SH2D4B: variants seen among roughly 807,000 people sequenced by gnomAD.
The protein encoded by SH2D4B is SH2 domain-containing protein 4B.
Under a neutral mutation model 61.5 loss-of-function variants are expected in SH2D4B, and 45 were observed. The observed-to-expected ratio is 0.73, with a 90% CI of 0.58 to 0.94. The LOEUF (loss-of-function observed/expected upper bound fraction) is 0.94, where lower values mean the gene tolerates loss of function less well. Among genes scored for constraint, SH2D4B ranks in the 40% least tolerant of loss-of-function variants. The pLI is 0.00. For synonymous variants in SH2D4B, 224 were observed against 220.4 expected (o/e 1.02, Z -0.14); for missense variants, 572 against 574.2 (o/e 1.00, Z 0.04).
At chr10:80,632,750 G>T (rs1221025660) in intron 6 of SH2D4B, among the ~76,000 whole-genome samples, 1 of 152,086 alleles carries the variant, frequency 6.6e-6, no homozygotes, top group East Asian at 1.9e-4. Flanking sequence ...TCTTTTGTCT[G>T]TCCCTACTTT....
chr10:80,594,939 T>A (rs79034437), intron 4 of SH2D4B, among the ~76,000 whole-genome samples: 18,188 of 152,152 alleles, frequency 0.12, 1,236 homozygotes, highest in East Asian at 0.25. Flanking sequence ...GGGTGGAAAG[T>A]ATTTAATTTT....
chr10:80,599,628 C>T lies in SH2D4B; in HGVS notation c.644-3951C>T, dbSNP rs147590235. On this transcript the variant is annotated intron_variant, in intron 4 of 7. Coordinates refer to ENST00000646907, the MANE Select transcript of SH2D4B (RefSeq NM_001388272.1). ...CTGTTGGCAGCCATCAGGCGTTGCC[C>T]GCAGGCTTCAGGACCACAAGGGTGG... Among the ~76,000 whole-genome samples, 115 of 152,256 alleles carry T rather than the reference C, an allele frequency of 7.6e-4. 1 individual carries two copies. Among genetic ancestry groups the T allele is most frequent in the African/African-American group, 2.7e-3 (112 of 41,540 alleles).
At chr10:80,563,846 A>C (rs996318767) in intron 1 of SH2D4B, among the ~76,000 whole-genome samples, 2 of 152,220 alleles carry the variant, frequency 1.3e-5, no homozygotes, top group South Asian at 2.1e-4. Context: ...GGTACTATCT[A>C]TATATCATCC....
At chr10:80,641,034 CT>C (rs1840292247) in intron 7 of SH2D4B, among the ~76,000 whole-genome samples, 1 of 152,208 alleles carries the variant, frequency 6.6e-6, no homozygotes, top group African/African-American at 2.4e-5. Context: ...AGTTTTCCTT[CT>C]AACAGTCAGG....
At position 80,556,515 on chromosome 10, in the gene SH2D4B, T is replaced by C. The variant is rs372186474; in HGVS notation, c.185-13639T>C. On this transcript the variant is annotated intron_variant, in intron 1 of 7. Coordinates refer to ENST00000646907, the MANE Select transcript of SH2D4B (RefSeq NM_001388272.1). ...AATCTGTAGATCAACCTGGGATGAA[T>C]TGGCACATTAACACTATTGAGTTTT... Among the ~76,000 whole-genome samples the C allele has an allele frequency of 1.3e-4, 20 of 152,204 alleles. No individual in the cohort carries two copies. In the East Asian group the frequency reaches 2.9e-3, roughly 22 times the overall value.
At chr10:80,570,926 G>A (rs756914874) in intron 2 of SH2D4B, among the ~76,000 whole-genome samples, 1 of 152,060 alleles carries the variant, frequency 6.6e-6, no homozygotes, top group Non-Finnish European at 1.5e-5. Context: ...CCAGGCTGGA[G>A]TGCAGTGTCA....
chr10:80,584,560 A>G (rs894400204), intron 3 of SH2D4B, among the ~76,000 whole-genome samples: 1 of 152,262 alleles, frequency 6.6e-6, no homozygotes, highest in Non-Finnish European at 1.5e-5. Flanking sequence ...AAAACATATC[A>G]TTATTTAAGA....
At chr10:80,632,135 G>A (rs774681596) in intron 6 of SH2D4B, among the ~76,000 whole-genome samples, 9 of 151,034 alleles carry the variant, frequency 6.0e-5, no homozygotes, top group Non-Finnish European at 8.8e-5. Context: ...CACAAAAAGT[G>A]TGGAGACAAC....
In SH2D4B at chr10:80,538,293, G is replaced by A; in HGVS notation, c.-39G>A. 1.6e-6 allele frequency: 2 copies of A among 1,286,842 alleles called. No individual in the cohort carries two copies. The highest frequency in any genetic ancestry group is 9.9e-7 in the Non-Finnish European group (1 of 1,008,290). 79.7% of individuals were successfully genotyped at this position (1,286,842 alleles called of 1,614,324 possible). Reference sequence around the variant, plus strand: ...CGTTCTGCCTGGCCCTGCTTCCCCTGCTGGCTGCCCTTCTGGTGCGTGCAT... The same window carrying A: ...CGTTCTGCCTGGCCCTGCTTCCCCTACTGGCTGCCCTTCTGGTGCGTGCAT... On this transcript the variant is annotated 5_prime_UTR_variant, in exon 1 of 8. Transcript: ENST00000646907. The surrounding 1 kb of genome is among the most constrained non-coding windows in gnomAD (Gnocchi z 4.8).
At chr10:80,554,731 T>C (rs1486654852) in intron 1 of SH2D4B, among the ~76,000 whole-genome samples, 2 of 152,068 alleles carry the variant, frequency 1.3e-5, no homozygotes, top group Non-Finnish European at 2.9e-5. Flanking sequence ...ATAAAATGGC[T>C]GGGCGCGGTG....
At chr10:80,627,294 T>C (rs1199224978) in intron 6 of SH2D4B, among the ~76,000 whole-genome samples, 3 of 152,220 alleles carry the variant, frequency 2.0e-5, no homozygotes, top group Non-Finnish European at 4.4e-5. Flanking sequence ...ATCTTTCTTC[T>C]GTATAGGAAA....
intron 6 of SH2D4B, among the ~76,000 whole-genome samples, chr10:80,623,797 T>C (rs74924000): frequency 0.1 from 15,727 of 152,204 alleles, 1,100 homozygotes; most frequent in African/African-American, 0.19. Flanking sequence ...ATGCTGTGTG[T>C]GGCTCTGTTG....
intron 6 of SH2D4B, among the ~76,000 whole-genome samples, chr10:80,620,229 C>T (rs1430003448): frequency 6.6e-6 from 1 of 151,726 alleles, no homozygotes; most frequent in Non-Finnish European, 1.5e-5. Context: ...GGGGGCGGTT[C>T]CCCCCCTTGC....
At chr10:80,540,301 A>C in intron 1 of SH2D4B, among the ~76,000 whole-genome samples, 1 of 152,110 alleles carries the variant, frequency 6.6e-6, no homozygotes, top group Admixed American at 6.5e-5. Flanking sequence ...TGGGCATGCC[A>C]CTGGGGAGCC....
intron 1 of SH2D4B, among the ~76,000 whole-genome samples, chr10:80,556,045 G>A (rs1279497045): frequency 6.6e-6 from 1 of 152,048 alleles, no homozygotes; most frequent in Non-Finnish European, 1.5e-5. Context: ...TTATTTGCAG[G>A]GAAATCTGAG....
intron 3 of SH2D4B, among the ~76,000 whole-genome samples, chr10:80,586,721 G>T (rs1448684884): frequency 6.6e-6 from 1 of 152,180 alleles, no homozygotes; most frequent in East Asian, 1.9e-4. Context: ...CAGTGGCAAC[G>T]GGCTGGGATC....
Position 80,538,501 on chromosome 10 carries a change from C to T in SH2D4B, c.170C>T (p.Pro57Leu). The part of the protein sequence containing the change: ...ALAQDEGLRP[P>L]KTKRAASDKH... ...GCCCAGGACGAGGGTCTCAGGCCTC[C>T]AAAGACCAAGCGAGGTACGTGGCTG... is the stretch of plus-strand genomic sequence containing the variant. Residue 57 changes from proline to leucine, a missense_variant, in exon 1 of 8, where the codon CCA becomes CTA. Coordinates refer to ENST00000646907, the MANE Select transcript of SH2D4B (RefSeq NM_001388272.1). The surrounding 1 kb of genome is among the most constrained non-coding windows in gnomAD (Gnocchi z 4.8). The T allele has an allele frequency of 7.1e-7, 1 of 1,409,220 alleles. No individual in the cohort carries two copies. 87.3% of individuals were successfully genotyped at this position (1,409,220 alleles called of 1,614,324 possible).
At chr10:80,557,301 G>C (rs1841850752) in intron 1 of SH2D4B, among the ~76,000 whole-genome samples, 2 of 151,970 alleles carry the variant, frequency 1.3e-5, no homozygotes, top group South Asian at 4.1e-4. Flanking sequence ...ACTTTATTAA[G>C]ATTTTAAAAA....
At chr10:80,540,242 C>G (rs1011458876) in intron 1 of SH2D4B, among the ~76,000 whole-genome samples, 3 of 152,166 alleles carry the variant, frequency 2.0e-5, no homozygotes, top group African/African-American at 7.2e-5. Context: ...AGGTCAGGAT[C>G]CCGCTTGGAT....
Sources: gnomAD v4.1 joint callset for allele counts (sites outside exome capture counted in the v4.1 genomes callset) on GRCh38, gnomAD v4.1.1 for gene constraint, Gnocchi (gnomAD v3.1) non-coding constraint, MANE v1.5 for transcripts, NCBI Gene and HGNC (gene_info 2026-07-23, HGNC 2026-07-21) for gene names.